The following RYR2 variants were observed in gnomAD, a reference collection of about 807,000 sequenced individuals.
The protein encoded by RYR2 is ryanodine receptor 2.
RYR2 carries 227 observed loss-of-function variants against 601.1 expected under a neutral mutation model. The observed-to-expected ratio is 0.38, with a 90% CI of 0.34 to 0.42. The LOEUF is 0.42. Ranked by LOEUF, RYR2 falls within the 10% of genes least tolerant of loss-of-function variation. The pLI is 1.00. For synonymous variants in RYR2, 2,223 were observed against 2,175.1 expected (o/e 1.02, Z -0.61); for missense variants, 4,646 against 6,156.5 (o/e 0.75, Z 8.21).
At chr1:237,378,763 A>G (rs999605281) in intron 8 of RYR2, among the ~76,000 whole-genome samples, 1 of 152,266 alleles carries the variant, frequency 6.6e-6, no homozygotes, top group African/African-American at 2.4e-5. Flanking sequence ...TTACCAATAC[A>G]TTTAATTCCA....
intron 1 of RYR2, among the ~76,000 whole-genome samples, chr1:237,054,277 T>TCCTC (rs1323456751): frequency 7.2e-6 from 1 of 138,328 alleles, no homozygotes; most frequent in Non-Finnish European, 1.6e-5. Flanking sequence ...CCTTCCCTTT[T>TCCTC]CCTCCCTCCC....
chr1:237,587,934 A>G (rs1393799083), intron 29 of RYR2, among the ~76,000 whole-genome samples: 1 of 152,164 alleles, frequency 6.6e-6, no homozygotes, highest in Non-Finnish European at 1.5e-5. Flanking sequence ...GGTAGCTCCT[A>G]GTTTATGTTA....
At position 237,833,245 on chromosome 1, in the gene RYR2, T is replaced by TG. The variant is rs1664007476; in HGVS notation, c.*603dup. The TG allele has an allele frequency of 7.0e-6, 1 of 141,870 alleles. No individual in the cohort carries two copies. The highest frequency in any genetic ancestry group is 2.6e-5 in the African/African-American group (1 of 37,846). The allele number at this position is 141,870 out of a possible 1,614,324, so 8.8% of individuals were successfully genotyped here. On this transcript the variant is annotated 3_prime_UTR_variant, in exon 105 of 105. Coordinates refer to ENST00000366574, the MANE Select transcript of RYR2 (RefSeq NM_001035.3). ...TTTTTTCCTTTAGTCTTTTCTTTAG[T>TG]GGGGGAGGGTAAGAAAAGCAGTTTG...
At chr1:237,705,822 A>G (rs1688324394) in intron 67 of RYR2, among the ~76,000 whole-genome samples, 1 of 152,226 alleles carries the variant, frequency 6.6e-6, no homozygotes, top group East Asian at 1.9e-4. Context: ...GATGAGTCAG[A>G]ACAGTTTTTA....
chr1:237,052,271 G>A (rs1661375343), intron 1 of RYR2, among the ~76,000 whole-genome samples: 1 of 152,152 alleles, frequency 6.6e-6, no homozygotes. Flanking sequence ...GGTTCTAGGG[G>A]GATTGTGTCC....
chr1:237,517,870 C>T (rs975642478), intron 24 of RYR2, among the ~76,000 whole-genome samples: 3 of 152,016 alleles, frequency 2.0e-5, no homozygotes, highest in East Asian at 1.9e-4. Context: ...AGGTATCCAG[C>T]GCATAACATT....
At chr1:237,766,923 T>A (rs1693890707) in intron 84 of RYR2, among the ~76,000 whole-genome samples, 1 of 152,232 alleles carries the variant, frequency 6.6e-6, no homozygotes, top group African/African-American at 2.4e-5. Flanking sequence ...AAATGCACTC[T>A]GGAATTTATA....
chr1:237,723,136 T>A lies in RYR2; in HGVS notation c.10563T>A (p.Asp3521Glu). The A allele has an allele frequency of 6.2e-7, 1 of 1,606,972 alleles. No individual in the cohort carries two copies. The highest frequency in any genetic ancestry group is 8.5e-7 in the Non-Finnish European group (1 of 1,177,886). Residue 3521 changes from aspartate (D) to glutamate (E), a missense_variant, in exon 74 of 105, where the codon GAT becomes GAA. Asp to Glu is a conservative substitution (Grantham distance 45). This residue lies in a region of RYR2 where 1,497 missense variants were observed against 1,842.6 expected (regional missense o/e 0.81). Transcript: ENST00000366574. The part of the protein sequence containing the change: ...SNIHLQGKLE[D>E]PAIRWQMALY... Reference sequence around the variant, plus strand: ...TTTCCTTTTTTCTGCAGTTGGAGGATCCTGCTATTAGATGGCAAATGGCTC... The same window carrying A: ...TTTCCTTTTTTCTGCAGTTGGAGGAACCTGCTATTAGATGGCAAATGGCTC...
chr1:237,632,461 C>G (rs1238930406), intron 42 of RYR2, among the ~76,000 whole-genome samples: 2 of 141,992 alleles, frequency 1.4e-5, no homozygotes, highest in African/African-American at 2.6e-5. Context: ...GTGGCGTGAT[C>G]TCAGCTCACT....
chr1:237,208,194 A>G (rs2149078151), intron 1 of RYR2, among the ~76,000 whole-genome samples: 1 of 152,332 alleles, frequency 6.6e-6, no homozygotes, highest in Admixed American at 6.5e-5. Context: ...ATAGCTGATC[A>G]TTTTGAAGTT....
At chr1:237,376,384 T>C (rs2149789272) in intron 7 of RYR2, among the ~76,000 whole-genome samples, 1 of 152,232 alleles carries the variant, frequency 6.6e-6, no homozygotes, top group African/African-American at 2.4e-5. Flanking sequence ...TAGCAGGAGC[T>C]GGAGAAACCT....
Position 237,401,535 on chromosome 1 carries a change from A to G in RYR2, c.773+13352A>G, listed in dbSNP as rs142582839. 1.7e-3 allele frequency among the ~76,000 whole-genome samples: 265 copies of G among 152,338 alleles called. 3 individuals are homozygous for G. Among genetic ancestry groups the G allele is most frequent in the Admixed American group, 0.012 (186 of 15,310 alleles). On this transcript the variant is annotated intron_variant, in intron 10 of 104. Coordinates refer to ENST00000366574, the MANE Select transcript of RYR2 (RefSeq NM_001035.3). ...TCAGACCAGCTAAATGAAGAGATCCATAGGATGAGGTCTGGGAGGGTCCTG... is the reference window on the plus strand; with the variant it reads ...TCAGACCAGCTAAATGAAGAGATCCGTAGGATGAGGTCTGGGAGGGTCCTG...
At chr1:237,706,509 T>G (rs564496604) in intron 67 of RYR2, among the ~76,000 whole-genome samples, 2 of 152,188 alleles carry the variant, frequency 1.3e-5, no homozygotes, top group Admixed American at 1.3e-4. Flanking sequence ...CCAGGAAAGA[T>G]TTGAGTATCT....
rs534671806 is a variant in RYR2, at chr1:237,269,580, G to T, written c.49-917G>T. ...GGTTGAGATGTCAAAACACGTAAAT[G>T]GTCAGACTTTTTAGGCCCTTGCCAC... On this transcript the variant is annotated intron_variant, in intron 1 of 104. Transcript: ENST00000366574. Among the ~76,000 whole-genome samples the T allele has an allele frequency of 2.6e-5, 4 of 152,176 alleles. No individual in the cohort carries two copies. The South Asian group carries it at 8.3e-4, about 32-fold the overall frequency.
intron 1 of RYR2, among the ~76,000 whole-genome samples, chr1:237,070,025 T>C (rs933256284): frequency 1.6e-5 from 2 of 127,806 alleles, no homozygotes; most frequent in African/African-American, 5.7e-5. Context: ...CCTGTTGGTG[T>C]TTTAACTTTT....
intron 29 of RYR2, among the ~76,000 whole-genome samples, chr1:237,575,521 A>G (rs1228511589): frequency 1.3e-5 from 2 of 152,154 alleles, no homozygotes; most frequent in Admixed American, 6.6e-5. Flanking sequence ...TAGAGGCCTG[A>G]GATCTCTCTT....
intron 6 of RYR2, among the ~76,000 whole-genome samples, chr1:237,371,869 G>A (rs897388740): frequency 2.0e-5 from 3 of 152,122 alleles, no homozygotes; most frequent in Non-Finnish European, 4.4e-5. Flanking sequence ...GACACAGGAA[G>A]GGGAACATCA....
Position 237,783,696 on chromosome 1 carries a change from T to C in RYR2, c.11984T>C (p.Ile3995Thr), listed in dbSNP as rs1355052011. The change falls in exon 90 of 105, where the codon ATT (isoleucine) becomes ACT (threonine). Residue 3995 changes from isoleucine to threonine, a missense_variant. Transcript: ENST00000366574. ...MLEGNVVNGT[I>T]GKQMVDMLVE... ...CCAGGTAATGTTGTTAATGGAACGA[T>C]TGGCAAACAGATGGTGGATATGCTT... 2.5e-6 allele frequency: 4 copies of C among 1,605,382 alleles called. No individual in the cohort carries two copies. Among genetic ancestry groups the C allele is most frequent in the South Asian group, 2.2e-5 (2 of 90,158 alleles).
chr1:237,250,244 CTGTG>C (rs974002758), intron 1 of RYR2, among the ~76,000 whole-genome samples: 3 of 152,150 alleles, frequency 2.0e-5, no homozygotes, highest in African/African-American at 7.2e-5. Flanking sequence ...TGTCTTAGAC[CTGTG>C]TTAACACAGA....
Sources: allele counts gnomAD v4.1 joint callset (sites outside exome capture counted in the v4.1 genomes callset), GRCh38; gene constraint gnomAD v4.1.1; regional missense constraint gnomAD v4.1.1; transcripts MANE v1.5; gene names NCBI Gene and HGNC (gene_info 2026-07-23, HGNC 2026-07-21).